Variants in CDH10 observed in about 807,000 individuals in gnomAD.
The protein encoded by CDH10 is cadherin 10.
A neutral mutation model predicts 73.1 loss-of-function variants in CDH10; 30 were observed. The observed-to-expected ratio is 0.41, with a 90% CI of 0.31 to 0.56. CDH10 has a LOEUF of 0.56. Ranked by LOEUF, CDH10 falls within the 20% of genes least tolerant of loss-of-function variation. CDH10 has a pLI of 0.27. For synonymous variants in CDH10, 345 were observed against 348.2 expected (o/e 0.99, Z 0.10); for missense variants, 815 against 973.7 (o/e 0.84, Z 2.17).
At chr5:24,596,996 C>T (rs887924742) in intron 1 of CDH10, among the ~76,000 whole-genome samples, 4 of 151,896 alleles carry the variant, frequency 2.6e-5, no homozygotes, top group African/African-American at 9.7e-5. Context: ...TATTAAACTA[C>T]CTCTCTGACT....
At chr5:24,584,238 T>C (rs1407638971) in intron 2 of CDH10, among the ~76,000 whole-genome samples, 1 of 152,116 alleles carries the variant, frequency 6.6e-6, no homozygotes, top group African/African-American at 2.4e-5. Context: ...TTGTATGTGA[T>C]AGTAATTATA....
chr5:24,519,485 A>T (rs1337269077), intron 5 of CDH10, among the ~76,000 whole-genome samples: 3 of 152,094 alleles, frequency 2.0e-5, no homozygotes, highest in African/African-American at 7.3e-5. Context: ...TTACAAATAC[A>T]GTATGTTTAA....
intron 5 of CDH10, among the ~76,000 whole-genome samples, chr5:24,516,322 C>G (rs1034724407): frequency 1.2e-4 from 18 of 152,098 alleles, no homozygotes; most frequent in Admixed American, 1.3e-4. Flanking sequence ...TGTTAAGTTA[C>G]CATTTTTTTC....
rs187104380 is a variant in CDH10, at chr5:24,511,276, A to G, written c.1002+51T>C. ...TTCATGAGCGAAGAGTATATAATGCAATCCCTACTCCTGAAACACACAGAT... is the reference window on the plus strand; with the variant it reads ...TTCATGAGCGAAGAGTATATAATGCGATCCCTACTCCTGAAACACACAGAT... On this transcript the variant is annotated intron_variant, in intron 6 of 11. Coordinates refer to ENST00000264463, the MANE Select transcript of CDH10 (RefSeq NM_006727.5). 2.1e-4 allele frequency: 236 copies of G among 1,110,552 alleles called. 1 individual carries two copies. In the African/African-American group the frequency reaches 3.2e-3, roughly 15 times the overall value. The allele number at this position is 1,110,552 out of a possible 1,614,324, so 68.8% of individuals were successfully genotyped here. A position where few individuals can be genotyped will look rare whatever the true frequency, so the allele number is the denominator to read the frequency against.
chr5:24,535,668 A>G, intron 4 of CDH10, 35 bp downstream of exon 4: 1 of 1,586,388 alleles, frequency 6.3e-7, no homozygotes, highest in South Asian at 1.1e-5. Flanking sequence ...CATAAAGATG[A>G]TCAAATGAAC....
intron 5 of CDH10, among the ~76,000 whole-genome samples, chr5:24,521,526 C>T (rs1483683123): frequency 6.6e-6 from 1 of 151,954 alleles, no homozygotes; most frequent in African/African-American, 2.4e-5. Context: ...AGAAGAGAAT[C>T]GCTTGAACCT....
intron 1 of CDH10, among the ~76,000 whole-genome samples, chr5:24,605,362 G>A (rs191664980): frequency 1.1e-3 from 172 of 152,298 alleles, no homozygotes; most frequent in Non-Finnish European, 1.9e-3. Context: ...AGTAGAGGGA[G>A]GGGGGATTAG....
At chr5:24,577,789 A>G (rs999136721) in intron 2 of CDH10, among the ~76,000 whole-genome samples, 3 of 152,148 alleles carry the variant, frequency 2.0e-5, no homozygotes, top group African/African-American at 7.2e-5. Context: ...ATGTTATAAA[A>G]ATTGAAGTCC....
At chr5:24,570,237 A>C (rs189186671) in intron 2 of CDH10, among the ~76,000 whole-genome samples, 3 of 152,298 alleles carry the variant, frequency 2.0e-5, no homozygotes, top group Non-Finnish European at 4.4e-5. Flanking sequence ...AATAAGTTAA[A>C]GACAAGAAGA....
Position 24,638,631 on chromosome 5 carries a change from C to G in CDH10, c.-124+5963G>C, listed in dbSNP as rs562454658. ...GGAGCCAAATGCAGGCAGAATAAAT[C>G]TGCATGTTGCTGTTTTTCACTCTTC... On this transcript the variant is annotated intron_variant, in intron 1 of 11. Coordinates refer to ENST00000264463, the MANE Select transcript of CDH10 (RefSeq NM_006727.5). 7.2e-4 allele frequency among the ~76,000 whole-genome samples: 110 copies of G among 151,924 alleles called. 1 individual carries two copies. Among genetic ancestry groups the G allele is most frequent in the Non-Finnish European group, 1.4e-3 (94 of 67,794 alleles).
chr5:24,631,972 A>T (rs1246541333), intron 1 of CDH10, among the ~76,000 whole-genome samples: 2 of 152,088 alleles, frequency 1.3e-5, no homozygotes, highest in African/African-American at 4.8e-5. Flanking sequence ...AAATTTACAG[A>T]AAATACATTT....
chr5:24,495,631 A>G (rs1256249044), intron 9 of CDH10, among the ~76,000 whole-genome samples: 2 of 152,012 alleles, frequency 1.3e-5, no homozygotes, highest in Non-Finnish European at 2.9e-5. Flanking sequence ...GGCGGATCAC[A>G]AGGTCAGGAA....
chr5:24,581,003 G>A (rs1316147195), intron 2 of CDH10, among the ~76,000 whole-genome samples: 1 of 152,122 alleles, frequency 6.6e-6, no homozygotes, highest in African/African-American at 2.4e-5. Flanking sequence ...CAGGATACTT[G>A]CTTCACATCA....
At chr5:24,493,507 G>A (rs1239008399) in intron 9 of CDH10, among the ~76,000 whole-genome samples, 5 of 151,532 alleles carry the variant, frequency 3.3e-5, no homozygotes, top group Admixed American at 6.6e-5. Flanking sequence ...TTGATTTTAC[G>A]GTAGGAGAAA....
At chr5:24,528,743 A>G (rs1318091066) in intron 5 of CDH10, among the ~76,000 whole-genome samples, 1 of 152,020 alleles carries the variant, frequency 6.6e-6, no homozygotes, top group Non-Finnish European at 1.5e-5. Flanking sequence ...TAATCTATGT[A>G]AAAGTAGTGA....
intron 5 of CDH10, 43 bp from the exon 6 acceptor site, chr5:24,511,557 GAGAGAGAGAGA>G: frequency 5.6e-6 from 2 of 358,858 alleles, no homozygotes; most frequent in South Asian, 9.4e-5. Flanking sequence ...GAGAGAGAGA[GAGAGAGAGAGA>G]GAGAGAGAGA....
chr5:24,584,411 T>TTAA (rs1745911448), intron 2 of CDH10, among the ~76,000 whole-genome samples: 1 of 150,488 alleles, frequency 6.6e-6, no homozygotes, highest in Non-Finnish European at 1.5e-5. Flanking sequence ...AAGAGTGAGC[T>TTAA]CACCTGATGT....
At chr5:24,533,473 A>G (rs1266069244) in intron 5 of CDH10, among the ~76,000 whole-genome samples, 2 of 152,046 alleles carry the variant, frequency 1.3e-5, no homozygotes, top group Non-Finnish European at 2.9e-5. Flanking sequence ...TCATTTGTAA[A>G]TGGACTGTAT....
chr5:24,592,814 A>C (rs1164196799), intron 2 of CDH10, among the ~76,000 whole-genome samples: 1 of 151,804 alleles, frequency 6.6e-6, no homozygotes, highest in Non-Finnish European at 1.5e-5. Context: ...CTTGAATCAT[A>C]TTTTGATGAC....
Sources: gnomAD v4.1 joint callset for allele counts (sites outside exome capture counted in the v4.1 genomes callset) on GRCh38, gnomAD v4.1.1 for gene constraint, MANE v1.5 for transcripts, NCBI Gene and HGNC (gene_info 2026-07-23, HGNC 2026-07-21) for gene names.